PDZRN4: variants seen among roughly 807,000 people sequenced by gnomAD.
PDZRN4 encodes PDZ domain-containing RING finger protein 4.
PDZRN4 carries 70 observed loss-of-function variants against 99.0 expected under a neutral mutation model. The ratio of observed to expected loss-of-function variants is 0.71; its 90% CI spans 0.58 to 0.86. The LOEUF is 0.86. Ranked by LOEUF, PDZRN4 falls within the 40% of genes least tolerant of loss-of-function variation. The pLI is 0.00. For missense variants in PDZRN4, 1,474 were observed against 1,331.2 expected (o/e 1.11, Z -1.67); for synonymous variants, 551 against 501.6 (o/e 1.10, Z -1.32).
intron 3 of PDZRN4, among the ~76,000 whole-genome samples, chr12:41,297,184 A>G (rs1951501357): frequency 6.6e-6 from 1 of 152,264 alleles, no homozygotes; most frequent in Middle Eastern, 3.4e-3. Context: ...TCCATTTTCC[A>G]CAAACTTTTT....
rs954472766 is a variant in PDZRN4, at chr12:41,362,037, C to A, written c.844-144419C>A. 2.6e-5 allele frequency among the ~76,000 whole-genome samples: 4 copies of A among 151,974 alleles called. No individual in the cohort carries two copies. The East Asian group carries it at 7.7e-4, about 29-fold the overall frequency. On this transcript the variant is annotated intron_variant, in intron 3 of 9. Coordinates refer to ENST00000402685, the MANE Select transcript of PDZRN4 (RefSeq NM_001164595.2). ...GTAGGCATTTTATCTCATGCATAAT[C>A]CTCTCATTGAGAGGGGATCACAAAC...
At chr12:41,507,247 T>C (rs536328243) in intron 4 of PDZRN4, among the ~76,000 whole-genome samples, 1 of 152,268 alleles carries the variant, frequency 6.6e-6, no homozygotes, top group African/African-American at 2.4e-5. Context: ...ATCTTGGCTG[T>C]CAGAGAGTAA....
At chr12:41,222,670 G>C (rs890702410) in intron 3 of PDZRN4, among the ~76,000 whole-genome samples, 5 of 151,930 alleles carry the variant, frequency 3.3e-5, no homozygotes, top group African/African-American at 1.2e-4. Flanking sequence ...AATTACAGGT[G>C]CACACCACCA....
At chr12:41,450,363 C>T (rs1228481032) in intron 3 of PDZRN4, among the ~76,000 whole-genome samples, 1 of 152,086 alleles carries the variant, frequency 6.6e-6, no homozygotes, top group South Asian at 2.1e-4. Context: ...ATAGACAACT[C>T]AGAGAGGGTG....
intron 3 of PDZRN4, among the ~76,000 whole-genome samples, chr12:41,430,171 A>C (rs554231156): frequency 7.9e-5 from 12 of 152,310 alleles, no homozygotes; most frequent in African/African-American, 2.6e-4. Context: ...CACATTGTGC[A>C]TTAAAAGAAA....
At chr12:41,248,931 A>G (rs1199969835) in intron 3 of PDZRN4, among the ~76,000 whole-genome samples, 1 of 152,162 alleles carries the variant, frequency 6.6e-6, no homozygotes, top group Non-Finnish European at 1.5e-5. Context: ...TTTGGTAATA[A>G]CCAGAAAGCA....
chr12:41,472,220 C>G (rs1953000268), intron 3 of PDZRN4, among the ~76,000 whole-genome samples: 2 of 152,160 alleles, frequency 1.3e-5, no homozygotes, highest in African/African-American at 2.4e-5. Context: ...TCAAGCTGGC[C>G]TCGACCTCCT....
chr12:41,431,071 A>T (rs1451649520), intron 3 of PDZRN4, among the ~76,000 whole-genome samples: 1 of 152,180 alleles, frequency 6.6e-6, no homozygotes, highest in African/African-American at 2.4e-5. Flanking sequence ...CCATGATCTA[A>T]TCACCTCGCA....
chr12:41,194,560 G>A (rs1403849855), intron 3 of PDZRN4, among the ~76,000 whole-genome samples: 2 of 152,156 alleles, frequency 1.3e-5, no homozygotes, highest in East Asian at 1.9e-4. Flanking sequence ...TGGATCACTC[G>A]ATGTTAAACC....
chr12:41,273,009 G>T (rs1951325415), intron 3 of PDZRN4, among the ~76,000 whole-genome samples: 1 of 151,952 alleles, frequency 6.6e-6, no homozygotes, highest in Admixed American at 6.6e-5. Context: ...AGTCTTGGCA[G>T]TTCCTAAAAG....
At chr12:41,515,012 C>T (rs1938376589) in intron 5 of PDZRN4, among the ~76,000 whole-genome samples, 2 of 152,150 alleles carry the variant, frequency 1.3e-5, no homozygotes, top group East Asian at 1.9e-4. Flanking sequence ...CTTGTACCCC[C>T]TTTATTACTT....
chr12:41,273,464 GA>G (rs1462272435), intron 3 of PDZRN4, among the ~76,000 whole-genome samples: 1 of 152,074 alleles, frequency 6.6e-6, no homozygotes, highest in Admixed American at 6.6e-5. Context: ...TCAGGACAGA[GA>G]ATGAAACAGT....
At chr12:41,368,684 T>C (rs566884458) in intron 3 of PDZRN4, among the ~76,000 whole-genome samples, 4 of 152,226 alleles carry the variant, frequency 2.6e-5, no homozygotes, top group Non-Finnish European at 4.4e-5. Flanking sequence ...CAGATTTCAG[T>C]TGGCATTATC....
At chr12:41,292,494 G>GT (rs895748119) in intron 3 of PDZRN4, among the ~76,000 whole-genome samples, 8 of 152,142 alleles carry the variant, frequency 5.3e-5, no homozygotes, top group South Asian at 4.1e-4. Flanking sequence ...ACCATTTGAG[G>GT]TTTTTTCTTG....
chr12:41,452,449 A>AGAAAG (rs1555143732), intron 3 of PDZRN4, among the ~76,000 whole-genome samples: 94 of 141,822 alleles, frequency 6.6e-4, no homozygotes, highest in African/African-American at 2.1e-3. Flanking sequence ...AAAAAAAAAA[A>AGAAAG]AAAGAAAGAA....
intron 3 of PDZRN4, among the ~76,000 whole-genome samples, chr12:41,242,792 G>A (rs1056162439): frequency 3.2e-4 from 48 of 152,274 alleles, no homozygotes; most frequent in African/African-American, 9.9e-4. Context: ...TGGAGAGGAT[G>A]GAGAGCAGCT....
intron 3 of PDZRN4, among the ~76,000 whole-genome samples, chr12:41,198,816 T>A (rs1950795631): frequency 6.6e-6 from 1 of 152,110 alleles, no homozygotes; most frequent in Non-Finnish European, 1.5e-5. Context: ...AGTGTAGCAC[T>A]TTCCATTAAG....
intron 3 of PDZRN4, among the ~76,000 whole-genome samples, chr12:41,229,769 A>T (rs966047564): frequency 6.6e-6 from 1 of 152,006 alleles, no homozygotes; most frequent in African/African-American, 2.4e-5. Flanking sequence ...TTCCCATTTT[A>T]TTAACAGACT....
intron 3 of PDZRN4, among the ~76,000 whole-genome samples, chr12:41,260,327 G>C (rs1238033421): frequency 6.6e-6 from 1 of 152,038 alleles, no homozygotes; most frequent in Admixed American, 6.6e-5. Flanking sequence ...GTGTGGAGTG[G>C]GGAGTGTCCA....
Sources: gnomAD v4.1 joint callset for allele counts (sites outside exome capture counted in the v4.1 genomes callset) on GRCh38, gnomAD v4.1.1 for gene constraint, MANE v1.5 for transcripts, NCBI Gene and HGNC (gene_info 2026-07-23, HGNC 2026-07-21) for gene names.